ST6GAL1: variants seen among roughly 807,000 people sequenced by gnomAD.
ST6GAL1 encodes the protein ST6 beta-galactoside alpha-2,6-sialyltransferase 1.
In ST6GAL1, 20 loss-of-function variants were observed where a neutral mutation model predicts 38.0. The observed-to-expected ratio is 0.53, with a 90% confidence interval of 0.37 to 0.77. The LOEUF (loss-of-function observed/expected upper bound fraction) is 0.77. Among genes scored for constraint, ST6GAL1 ranks in the 30% least tolerant of loss-of-function variants. The probability of loss-of-function intolerance (pLI) is 0.00; values close to 1 mark genes in which losing one functional copy is unlikely to be tolerated. For synonymous variants in ST6GAL1, 196 were observed against 188.2 expected, an observed-to-expected ratio of 1.04 and a Z score of -0.34; for missense variants, 432 against 496.4, an observed-to-expected ratio of 0.87 and a Z score of 1.23.
intron 2 of ST6GAL1, among the ~76,000 whole-genome samples, chr3:187,019,096 CAA>C (rs1484951730): frequency 6.6e-6 from 1 of 152,104 alleles, no homozygotes; most frequent in East Asian, 1.9e-4. Context: ...ACAAATAACT[CAA>C]ATTTTAAATT....
At chr3:187,020,679 CTG>C (rs944366995) in intron 2 of ST6GAL1, among the ~76,000 whole-genome samples, 51 of 152,346 alleles carry the variant, frequency 3.3e-4, no homozygotes, top group African/African-American at 1.1e-3. Context: ...TCCTTCATCT[CTG>C]TTAACAGAAA....
chr3:186,964,524 G>A (rs1336558945), intron 2 of ST6GAL1, among the ~76,000 whole-genome samples: 1 of 152,018 alleles, frequency 6.6e-6, no homozygotes, highest in Admixed American at 6.6e-5. Flanking sequence ...AATCCTCCAG[G>A]TGGTATTCTA....
intron 2 of ST6GAL1, among the ~76,000 whole-genome samples, chr3:186,965,007 G>A (rs547313221): frequency 1.6e-4 from 25 of 152,266 alleles, no homozygotes; most frequent in South Asian, 1.2e-3. Context: ...AATGTTTTGC[G>A]TACAGTGAGC....
chr3:187,009,953 C>A (rs771385574), intron 2 of ST6GAL1, among the ~76,000 whole-genome samples: 1 of 151,638 alleles, frequency 6.6e-6, no homozygotes, highest in East Asian at 1.9e-4. Context: ...TGCGGTGAGC[C>A]GAGATCACGC....
At chr3:187,050,395 A>G (rs1718466141) in intron 4 of ST6GAL1, among the ~76,000 whole-genome samples, 1 of 152,144 alleles carries the variant, frequency 6.6e-6, no homozygotes, top group African/African-American at 2.4e-5. Context: ...GGGTAGAGAA[A>G]CTTTTCCAAG....
intron 2 of ST6GAL1, among the ~76,000 whole-genome samples, chr3:187,036,792 A>T (rs1717944581): frequency 6.6e-6 from 1 of 152,198 alleles, no homozygotes; most frequent in African/African-American, 2.4e-5. Context: ...TGAATTATTC[A>T]GTACCTGCAT....
At chr3:187,061,766 T>G (rs1579373571) in intron 5 of ST6GAL1, among the ~76,000 whole-genome samples, 1 of 152,256 alleles carries the variant, frequency 6.6e-6, no homozygotes, top group Non-Finnish European at 1.5e-5. Context: ...ATAAAACTCT[T>G]AGAAGACAAC....
intron 2 of ST6GAL1, among the ~76,000 whole-genome samples, chr3:187,028,384 C>T (rs1281595377): frequency 6.6e-6 from 1 of 152,190 alleles, no homozygotes; most frequent in Non-Finnish European, 1.5e-5. Context: ...AACTATATCA[C>T]TGTCTAAGAA....
At chr3:186,997,184 C>CA (rs1201842521) in intron 2 of ST6GAL1, among the ~76,000 whole-genome samples, 1 of 152,140 alleles carries the variant, frequency 6.6e-6, no homozygotes, top group African/African-American at 2.4e-5. Context: ...TCACTGGGCA[C>CA]GTTACGCTAC....
At chr3:187,022,589 G>T (rs1717367509) in intron 2 of ST6GAL1, among the ~76,000 whole-genome samples, 1 of 151,992 alleles carries the variant, frequency 6.6e-6, no homozygotes. Flanking sequence ...TCAGACCTTT[G>T]GGTGTCTGAC....
At chr3:186,939,889 T>G (rs1478817117) in intron 1 of ST6GAL1, among the ~76,000 whole-genome samples, 1 of 152,298 alleles carries the variant, frequency 6.6e-6, no homozygotes, top group East Asian at 1.9e-4. Flanking sequence ...GTCCCAGTCC[T>G]TGGTAGCAGG....
chr3:187,027,323 G>A (rs1240278192), intron 2 of ST6GAL1, among the ~76,000 whole-genome samples: 1 of 152,190 alleles, frequency 6.6e-6, no homozygotes, highest in Middle Eastern at 3.4e-3. Context: ...TGTTCTCAGC[G>A]ACCTGTTTCT....
intron 5 of ST6GAL1, among the ~76,000 whole-genome samples, chr3:187,060,575 A>T (rs556448088): frequency 3.9e-5 from 6 of 152,230 alleles, no homozygotes; most frequent in Non-Finnish European, 8.8e-5. Context: ...AAGGTCTTAC[A>T]AGTAGTCTGG....
intron 4 of ST6GAL1, among the ~76,000 whole-genome samples, chr3:187,050,565 G>A (rs141480894): frequency 8.5e-4 from 92 of 107,850 alleles, no homozygotes; most frequent in African/African-American, 1.5e-3. Context: ...AGAGAGGGAG[G>A]GAGGGAAGGA....
chr3:187,025,325 A>G (rs928561797), intron 2 of ST6GAL1, among the ~76,000 whole-genome samples: 8 of 151,988 alleles, frequency 5.3e-5, no homozygotes, highest in African/African-American at 1.9e-4. Context: ...TTCTGAGGAG[A>G]TGGCGGGCCC....
chr3:186,938,980 T>C (rs971385172), intron 1 of ST6GAL1, among the ~76,000 whole-genome samples: 4 of 120,842 alleles, frequency 3.3e-5, no homozygotes, highest in South Asian at 2.2e-4. Flanking sequence ...GTAGGGAGGA[T>C]TGGGAGTCAG....
intron 2 of ST6GAL1, among the ~76,000 whole-genome samples, chr3:186,987,200 G>GAAAGGA (rs1553821934): frequency 3.6e-5 from 5 of 138,658 alleles, no homozygotes; most frequent in African/African-American, 1.1e-4. Flanking sequence ...GGGAGGGAGG[G>GAAAGGA]AAGGAAAGAA....
chr3:187,076,970 C>CCAT lies in ST6GAL1; in HGVS notation c.*1169_*1171dup. ...CTACCCCCAAATCTTCTCCTAACCA[C>CCAT]CATCTGTTTTTTTTTTTTAAAGCAT... is the stretch of plus-strand genomic sequence containing the variant. On this transcript the variant is annotated 3_prime_UTR_variant, in exon 8 of 8. Coordinates refer to ENST00000169298, the MANE Select transcript of ST6GAL1 (RefSeq NM_173216.2). The CCAT allele has an allele frequency of 2.7e-6, 1 of 371,674 alleles. No individual in the cohort carries two copies. The allele number at this position is 371,674 out of a possible 1,614,324, so 23.0% of individuals were successfully genotyped here. A position where few individuals can be genotyped will look rare whatever the true frequency, so the allele number is the denominator to read the frequency against.
chr3:187,020,582 C>T (rs973723179), intron 2 of ST6GAL1, among the ~76,000 whole-genome samples: 19 of 152,334 alleles, frequency 1.2e-4, no homozygotes, highest in Admixed American at 6.5e-4. Context: ...CTGTGTAAGG[C>T]GCCACATTAT....
Sources: gnomAD v4.1 joint callset for allele counts (sites outside exome capture counted in the v4.1 genomes callset) on GRCh38, gnomAD v4.1.1 for gene constraint, MANE v1.5 for transcripts, NCBI Gene and HGNC (gene_info 2026-07-23, HGNC 2026-07-21) for gene names.